The following AGBL1 variants were observed in gnomAD, a reference collection of about 807,000 sequenced individuals.
AGBL1 encodes the protein cytosolic carboxypeptidase 4.
AGBL1 carries 130 observed loss-of-function variants against 118.9 expected under a neutral mutation model. That is an observed-to-expected ratio of 1.09 (90% CI 0.95 to 1.26). AGBL1 has a LOEUF of 1.26. AGBL1 is among the 50% of genes most tolerant of loss of function. AGBL1 has a pLI of 0.00. For synonymous variants in AGBL1, 555 were observed against 478.9 expected, an observed-to-expected ratio of 1.16 and a Z score of -2.08; for missense variants, 1,584 against 1,298.1, an observed-to-expected ratio of 1.22 and a Z score of -3.38.
chr15:86,366,568 G>A (rs1479419335), intron 17 of AGBL1, among the ~76,000 whole-genome samples: 3 of 152,100 alleles, frequency 2.0e-5, no homozygotes, highest in Non-Finnish European at 2.9e-5. Context: ...ACATTAAATT[G>A]TTCAGTTAGA....
chr15:86,302,927 A>T (rs2079777026), intron 17 of AGBL1, among the ~76,000 whole-genome samples: 2 of 152,088 alleles, frequency 1.3e-5, no homozygotes. Flanking sequence ...AAAAGTTTTT[A>T]TTGAAGGCAA....
At chr15:86,281,866 G>T (rs1044492196) in intron 16 of AGBL1, among the ~76,000 whole-genome samples, 3 of 152,198 alleles carry the variant, frequency 2.0e-5, no homozygotes, top group African/African-American at 7.2e-5. Flanking sequence ...TGATGATACA[G>T]ACATCTCTAA....
intron 6 of AGBL1, among the ~76,000 whole-genome samples, chr15:86,235,533 T>C (rs1370274612): frequency 2.0e-5 from 3 of 152,146 alleles, no homozygotes; most frequent in Admixed American, 1.3e-4. Context: ...TAGAGAAAAA[T>C]ATAAACATTT....
intron 22 of AGBL1, among the ~76,000 whole-genome samples, chr15:86,885,120 CT>C (rs1012433537): frequency 6.6e-5 from 3 of 45,674 alleles, no homozygotes; most frequent in Admixed American, 6.1e-4. Flanking sequence ...TGTAAAATAA[CT>C]TTACATACAT....
At chr15:86,330,518 C>T (rs1315756090) in intron 17 of AGBL1, among the ~76,000 whole-genome samples, 1 of 152,132 alleles carries the variant, frequency 6.6e-6, no homozygotes, top group East Asian at 1.9e-4. Flanking sequence ...ATTAGAAGTG[C>T]CAGCATCCCC....
At position 86,593,991 on chromosome 15, in the gene AGBL1, T is replaced by C. The variant is rs957925812; in HGVS notation, c.2994+39454T>C. Among the ~76,000 whole-genome samples the C allele has an allele frequency of 4.6e-5, 7 of 152,182 alleles. No homozygotes were observed. In the South Asian group the frequency reaches 1.5e-3, roughly 32 times the overall value. ...AGGTTGGAGTGCAACAGTGCAATCA[T>C]AGCTCACTGCAGCCTAGAACTCCTG... On this transcript the variant is annotated intron_variant, in intron 21 of 22. Transcript: ENST00000614907.
chr15:86,349,252 T>A (rs929850246), intron 17 of AGBL1, among the ~76,000 whole-genome samples: 1 of 152,170 alleles, frequency 6.6e-6, no homozygotes, highest in Non-Finnish European at 1.5e-5. Context: ...AGCCACTTGA[T>A]TCATGTGGAA....
At chr15:86,284,539 G>A (rs1365321551) in intron 16 of AGBL1, among the ~76,000 whole-genome samples, 1 of 152,142 alleles carries the variant, frequency 6.6e-6, no homozygotes, top group African/African-American at 2.4e-5. Context: ...GGTGTTATTT[G>A]TTCTTCTCTT....
intron 22 of AGBL1, among the ~76,000 whole-genome samples, chr15:86,817,689 G>C (rs542728859): frequency 2.6e-5 from 4 of 151,660 alleles, no homozygotes; most frequent in Non-Finnish European, 5.9e-5. Flanking sequence ...GAGAGAGAGT[G>C]CTGGGAGAGG....
intron 22 of AGBL1, among the ~76,000 whole-genome samples, chr15:86,766,620 C>G (rs1252405621): frequency 1.3e-5 from 2 of 151,700 alleles, no homozygotes; most frequent in East Asian, 3.9e-4. Context: ...ATTTCAGTGC[C>G]AAGATTCCCT....
intron 5 of AGBL1, among the ~76,000 whole-genome samples, chr15:86,187,710 G>A (rs1340360702): frequency 6.6e-6 from 1 of 152,156 alleles, no homozygotes; most frequent in Non-Finnish European, 1.5e-5. Context: ...TCTCTAAACT[G>A]TCCAGATGAT....
At chr15:86,153,329 C>T (rs1469444738) in intron 3 of AGBL1, among the ~76,000 whole-genome samples, 1 of 152,088 alleles carries the variant, frequency 6.6e-6, no homozygotes, top group Non-Finnish European at 1.5e-5. Context: ...TACTATGCAG[C>T]CATAAAAAAG....
chr15:86,518,414 T>C (rs1177726840), intron 18 of AGBL1, among the ~76,000 whole-genome samples: 2 of 152,144 alleles, frequency 1.3e-5, no homozygotes, highest in Non-Finnish European at 2.9e-5. Flanking sequence ...TTAATCAGAA[T>C]GTCATGCAGC....
At chr15:86,335,125 G>C (rs1421895030) in intron 17 of AGBL1, among the ~76,000 whole-genome samples, 1 of 149,094 alleles carries the variant, frequency 6.7e-6, no homozygotes, top group African/African-American at 2.4e-5. Flanking sequence ...GAGAGACATG[G>C]AAGGTAGATT....
intron 22 of AGBL1, among the ~76,000 whole-genome samples, chr15:86,765,704 T>A (rs1349654): frequency 0.49 from 73,804 of 151,776 alleles, 20,420 homozygotes; most frequent in Non-Finnish European, 0.62. Context: ...GGCTTTTTTT[T>A]AAAAATTTTT....
chr15:86,601,652 G>T (rs964377555), intron 21 of AGBL1, among the ~76,000 whole-genome samples: 2 of 152,166 alleles, frequency 1.3e-5, no homozygotes, highest in African/African-American at 2.4e-5. Context: ...AGGCACAAGT[G>T]GTGAGCTATG....
rs2086779971 is a variant in AGBL1 at position 86,724,103 on chromosome 15, G to A, written c.3158+49667G>A. ...ACAAAAAAATTAGCCGGGTGCGGTG[G>A]CGGGCGCCTGTAGTCCCAGCTACTT... On this transcript the variant is annotated intron_variant, in intron 22 of 22. Transcript: ENST00000614907. Among the ~76,000 whole-genome samples the A allele has an allele frequency of 2.0e-5, 3 of 152,058 alleles. No individual in the cohort carries two copies. In the South Asian group the frequency reaches 6.2e-4, roughly 32 times the overall value.
At chr15:86,543,807 G>A (rs1183583817) in intron 19 of AGBL1, among the ~76,000 whole-genome samples, 1 of 152,222 alleles carries the variant, frequency 6.6e-6, no homozygotes, top group Admixed American at 6.5e-5. Flanking sequence ...ACCAGCAACT[G>A]CTATATCCAT....
At chr15:86,424,963 AT>A (rs1406793351) in intron 18 of AGBL1, among the ~76,000 whole-genome samples, 3 of 152,192 alleles carry the variant, frequency 2.0e-5, no homozygotes, top group Non-Finnish European at 4.4e-5. Flanking sequence ...TAGTTCAACC[AT>A]TGTGGAAGAC....
Sources: gnomAD v4.1 joint callset for allele counts (sites outside exome capture counted in the v4.1 genomes callset) on GRCh38, gnomAD v4.1.1 for gene constraint, MANE v1.5 for transcripts, NCBI Gene and HGNC (gene_info 2026-07-23, HGNC 2026-07-21) for gene names.